The following MCPH1 variants were observed in gnomAD, a reference collection of about 807,000 sequenced individuals.
MCPH1 encodes microcephalin.
Under a neutral mutation model 84.5 loss-of-function variants are expected in MCPH1, and 104 were observed. The ratio of observed to expected loss-of-function variants is 1.23; its 90% confidence interval spans 1.05 to 1.45. The LOEUF is 1.45. MCPH1 is among the 40% of genes most tolerant of loss of function. The pLI is 0.00. For missense variants in MCPH1, 1,498 were observed against 1,005.7 expected, an observed-to-expected ratio of 1.49 and a Z score of -6.62; for synonymous variants, 514 against 366.8, an observed-to-expected ratio of 1.40 and a Z score of -4.58.
intron 10 of MCPH1, among the ~76,000 whole-genome samples, chr8:6,479,701 G>T (rs1808945450): frequency 6.6e-6 from 1 of 152,042 alleles, no homozygotes; most frequent in South Asian, 2.1e-4. Flanking sequence ...TAAATTTTCT[G>T]GGAGAGAGAG....
chr8:6,566,776 T>C (rs1039126184), intron 12 of MCPH1, among the ~76,000 whole-genome samples: 7 of 135,116 alleles, frequency 5.2e-5, no homozygotes, highest in Admixed American at 3.8e-4. Flanking sequence ...GGCATGACCA[T>C]CGACAGTGCT....
At chr8:6,468,387 A>G (rs553194270) in intron 9 of MCPH1, among the ~76,000 whole-genome samples, 213 of 152,252 alleles carry the variant, frequency 1.4e-3, no homozygotes, top group African/African-American at 4.9e-3. Context: ...CCCAGACCGC[A>G]GGCTTATTCT....
In MCPH1 at chr8:6,508,573, C is replaced by G. The variant is rs969732517; in HGVS notation, c.2214+8644C>G. ...ATAATCTATATTACTGTTGTGGTTG[C>G]TACTTGGAATTTTTAACTTTTTACA... On this transcript the variant is annotated intron_variant, in intron 12 of 13. Coordinates refer to ENST00000344683, the MANE Select transcript of MCPH1 (RefSeq NM_024596.5). 9.6e-6 allele frequency: 4 copies of G among 415,058 alleles called. No homozygotes were observed. In the Admixed American group the frequency reaches 1.3e-4, roughly 13 times the overall value. 25.7% of individuals were successfully genotyped at this position (415,058 alleles called of 1,614,324 possible).
rs1820098046 is a variant in MCPH1 at position 6,534,236 on chromosome 8, AC to A, written c.2214+34308del. Among the ~76,000 whole-genome samples, 3 of 152,340 alleles carry A rather than the reference AC, an allele frequency of 2.0e-5. No individual in the cohort carries two copies. The South Asian group carries it at 6.2e-4, about 32-fold the overall frequency. On this transcript the variant is annotated intron_variant, in intron 12 of 13. Coordinates refer to ENST00000344683, the MANE Select transcript of MCPH1 (RefSeq NM_024596.5). ...AAAAATAACAATACAACAATAAAAA[AC>A]AAAAATTGTAAAACAATACAGTATA...
At chr8:6,420,645 C>G (rs1190521229) in intron 3 of MCPH1, among the ~76,000 whole-genome samples, 1 of 152,094 alleles carries the variant, frequency 6.6e-6, no homozygotes, top group Non-Finnish European at 1.5e-5. Flanking sequence ...CAAAATCGAT[C>G]TCTCATAGAT....
chr8:6,605,053 C>G (rs950865798), intron 12 of MCPH1, among the ~76,000 whole-genome samples: 1 of 152,090 alleles, frequency 6.6e-6, no homozygotes, highest in Non-Finnish European at 1.5e-5. Flanking sequence ...CGACAGGACC[C>G]TATGTCCCTC....
chr8:6,431,612 A>C (rs1338815135), intron 4 of MCPH1, 26 bp downstream of exon 4: 3 of 1,413,398 alleles, frequency 2.1e-6, no homozygotes, highest in Non-Finnish European at 3.0e-6. Flanking sequence ...CAATGTAGAT[A>C]ATGGCAATTA....
chr8:6,614,620 A>G (rs1830619469), intron 12 of MCPH1, among the ~76,000 whole-genome samples: 1 of 152,224 alleles, frequency 6.6e-6, no homozygotes, highest in African/African-American at 2.4e-5. Flanking sequence ...AGCCTTATGA[A>G]TAATCAACGT....
At chr8:6,517,791 C>G (rs894549448) in intron 12 of MCPH1, among the ~76,000 whole-genome samples, 2 of 152,184 alleles carry the variant, frequency 1.3e-5, no homozygotes, top group African/African-American at 4.8e-5. Context: ...AATGGCAGAG[C>G]TAGAATTTAC....
At chr8:6,632,263 G>C (rs1029499559) in intron 13 of MCPH1, among the ~76,000 whole-genome samples, 3 of 152,176 alleles carry the variant, frequency 2.0e-5, no homozygotes, top group African/African-American at 7.2e-5. Flanking sequence ...ATTAATAGTA[G>C]TGATGGCTGC....
chr8:6,594,458 C>G (rs1021022973), intron 12 of MCPH1, among the ~76,000 whole-genome samples: 1 of 152,146 alleles, frequency 6.6e-6, no homozygotes, highest in Admixed American at 6.5e-5. Flanking sequence ...TTCGTGGGCC[C>G]TCATAGAAGC....
At chr8:6,564,275 C>G (rs568270168) in intron 12 of MCPH1, among the ~76,000 whole-genome samples, 7 of 152,136 alleles carry the variant, frequency 4.6e-5, no homozygotes, top group Admixed American at 2.0e-4. Flanking sequence ...CCATGCCTGG[C>G]CCACAAACTT....
In MCPH1 at chr8:6,521,158, A is replaced by T. The variant is rs375753691; in HGVS notation, c.2214+21229A>T. 5.6e-6 allele frequency: 9 copies of T among 1,598,600 alleles called. No homozygotes were observed. The African/African-American group carries it at 1.1e-4, about 19-fold the overall frequency. ...ACTAAAGGTTATTAACGCTGAAGAA[A>T]GCATGATATGTAAACTTACAGTTTG... is the stretch of plus-strand genomic sequence containing the variant. On this transcript the variant is annotated intron_variant, in intron 12 of 13. Transcript: ENST00000344683.
intron 12 of MCPH1, among the ~76,000 whole-genome samples, chr8:6,539,077 C>T (rs923193124): frequency 6.6e-6 from 1 of 152,094 alleles, no homozygotes; most frequent in South Asian, 2.1e-4. Flanking sequence ...GCTGCCTAAG[C>T]AGCTGTGTAC....
intron 12 of MCPH1, among the ~76,000 whole-genome samples, chr8:6,555,047 A>T (rs1178214066): frequency 6.6e-6 from 1 of 152,310 alleles, no homozygotes; most frequent in Admixed American, 6.5e-5. Context: ...TAAACCACAC[A>T]TAAAACAGTC....
chr8:6,504,660 TAAG>T (rs1273869321), intron 12 of MCPH1, among the ~76,000 whole-genome samples: 6 of 152,118 alleles, frequency 3.9e-5, no homozygotes, highest in Admixed American at 6.6e-5. Context: ...CCTGACTTAA[TAAG>T]GAGAGAAAAA....
At position 6,421,948 on chromosome 8, in the gene MCPH1, A is replaced by G. The variant is rs1001127213; in HGVS notation, c.233+7065A>G. Among the ~76,000 whole-genome samples the G allele has an allele frequency of 5.3e-5, 8 of 152,256 alleles. No individual in the cohort carries two copies. In the South Asian group the frequency reaches 6.2e-4, roughly 12 times the overall value. ...GCCCCGTCTTCCTGATTCTAAACCC[A>G]GTTTTGTAGTCAGCTCCTTTATACA... On this transcript the variant is annotated intron_variant, in intron 3 of 13. Transcript: ENST00000344683.
intron 12 of MCPH1, among the ~76,000 whole-genome samples, chr8:6,521,889 G>C (rs1167842441): frequency 1.3e-5 from 2 of 152,148 alleles, no homozygotes; most frequent in African/African-American, 4.8e-5. Context: ...TGCTATGTGA[G>C]AAATACTCCT....
At chr8:6,491,939 G>A (rs1319962306) in intron 11 of MCPH1, among the ~76,000 whole-genome samples, 2 of 152,156 alleles carry the variant, frequency 1.3e-5, no homozygotes, top group Non-Finnish European at 2.9e-5. Context: ...GTAAACACAC[G>A]TGTGCATGTG....
Sources: gnomAD v4.1 joint callset for allele counts (sites outside exome capture counted in the v4.1 genomes callset) on GRCh38, gnomAD v4.1.1 for gene constraint, MANE v1.5 for transcripts, NCBI Gene and HGNC (gene_info 2026-07-23, HGNC 2026-07-21) for gene names.